TMA7B: variants seen among roughly 807,000 people sequenced by gnomAD.
TMA7B encodes translation machinery-associated protein 7B.
chr22:39,962,526 A>C, the TMA7B span, among the ~76,000 whole-genome samples: 1 of 152,118 alleles, frequency 6.6e-6, no homozygotes, highest in Admixed American at 6.5e-5. Context: ...AGTCAAATCT[A>C]TTTCTTAAGC....
the TMA7B span, among the ~76,000 whole-genome samples, chr22:39,961,560 G>A: frequency 6.6e-6 from 1 of 152,174 alleles, no homozygotes; most frequent in Non-Finnish European, 1.5e-5. Flanking sequence ...TCTCACTAAG[G>A]TGCAGCAACC....
At chr22:39,962,435 A>G in the TMA7B span, among the ~76,000 whole-genome samples, 1 of 152,060 alleles carries the variant, frequency 6.6e-6, no homozygotes, top group African/African-American at 2.4e-5. Context: ...AAGAGAAAAA[A>G]ATTATTTACA....
At chr22:39,962,715 T>C in the TMA7B span, among the ~76,000 whole-genome samples, 5 of 152,026 alleles carry the variant, frequency 3.3e-5, no homozygotes, top group African/African-American at 1.2e-4. Flanking sequence ...TGGAGTGCAG[T>C]GGCGCAATCT....
the TMA7B span, among the ~76,000 whole-genome samples, chr22:39,963,756 G>A: frequency 5.9e-5 from 9 of 152,164 alleles, no homozygotes; most frequent in South Asian, 4.1e-4. Flanking sequence ...AGTGGCTCAC[G>A]CCTGTAATCC....
At chr22:39,964,101 T>C in the TMA7B span, 1 of 359,270 alleles carries the variant, frequency 2.8e-6, no homozygotes, top group Non-Finnish European at 5.0e-6. Flanking sequence ...CATCAGGCAA[T>C]TGGCATCACT....
chr22:39,964,573 G>T, the TMA7B span: 1 of 805,988 alleles, frequency 1.2e-6, no homozygotes, highest in South Asian at 1.4e-5. Flanking sequence ...AAAATAAGCT[G>T]TTCCTTGTGC....
the TMA7B span, chr22:39,964,397 A>G: frequency 1.3e-6 from 1 of 781,836 alleles, no homozygotes; most frequent in South Asian, 1.4e-5. Flanking sequence ...GAAGGTGGCA[A>G]GAAGAAGGCA....
At chr22:39,961,594 C>G in the TMA7B span, among the ~76,000 whole-genome samples, 1 of 152,130 alleles carries the variant, frequency 6.6e-6, no homozygotes. Context: ...TCAGTCCACG[C>G]GTAGACATTA....
At chr22:39,964,399 A>C in the TMA7B span, 6 of 785,030 alleles carry the variant, frequency 7.6e-6, no homozygotes, top group South Asian at 5.8e-5. Context: ...AGGTGGCAAG[A>C]AGAAGGCACT....
chr22:39,962,838 T>C, the TMA7B span, among the ~76,000 whole-genome samples: 31 of 152,136 alleles, frequency 2.0e-4, no homozygotes, highest in Non-Finnish European at 4.1e-4. Context: ...TGTGTGTGTG[T>C]GGTTTTTTTC....
chr22:39,962,152 G>A, the TMA7B span, among the ~76,000 whole-genome samples: 8 of 152,336 alleles, frequency 5.3e-5, no homozygotes, highest in East Asian at 1.9e-4. Flanking sequence ...GTCGGGCGCC[G>A]TGGCTCATGC....
the TMA7B span, among the ~76,000 whole-genome samples, chr22:39,963,645 C>T: frequency 1.6e-3 from 240 of 152,278 alleles, 2 homozygotes; most frequent in Middle Eastern, 0.01. Context: ...CAGCTATGAG[C>T]AAATCCCAGC....
At chr22:39,962,621 T>G in the TMA7B span, among the ~76,000 whole-genome samples, 2 of 152,106 alleles carry the variant, frequency 1.3e-5, no homozygotes, top group Non-Finnish European at 2.9e-5. Context: ...TGCATGAAGA[T>G]GACTCTGGCT....
the TMA7B span, chr22:39,964,569 A>C: frequency 2.5e-6 from 2 of 813,946 alleles, no homozygotes; most frequent in South Asian, 2.7e-5. Context: ...GCAAAAAATA[A>C]GCTGTTCCTT....
the TMA7B span, chr22:39,960,451 T>C: frequency 2.5e-6 from 1 of 404,174 alleles, no homozygotes; most frequent in Non-Finnish European, 4.6e-6. Flanking sequence ...AGGATTTTCC[T>C]CTACTTCATC....
At chr22:39,964,577 C>G in the TMA7B span, 1 of 801,300 alleles carries the variant, frequency 1.2e-6, no homozygotes, top group Non-Finnish European at 2.2e-6. Context: ...TAAGCTGTTC[C>G]TTGTGCCTAA....
At chr22:39,962,010 TA>T in the TMA7B span, among the ~76,000 whole-genome samples, 2 of 152,258 alleles carry the variant, frequency 1.3e-5, no homozygotes, top group Non-Finnish European at 2.9e-5. Context: ...TTTTCTTCAG[TA>T]AAAACTTTAT....
the TMA7B span, chr22:39,964,566 A>T: frequency 1.2e-6 from 1 of 817,626 alleles, no homozygotes; most frequent in Non-Finnish European, 2.2e-6. Flanking sequence ...CTGGCAAAAA[A>T]TAAGCTGTTC....
chr22:39,964,535 C>A, the TMA7B span: 1 of 862,542 alleles, frequency 1.2e-6, no homozygotes, highest in Non-Finnish European at 2.0e-6. Context: ...GGGCCTCTGG[C>A]CACAGGTGGA....
Sources: gnomAD v4.1 joint callset for allele counts (sites outside exome capture counted in the v4.1 genomes callset) on GRCh38, gnomAD v4.1.1 for gene constraint, MANE v1.5 for transcripts, NCBI Gene and HGNC (gene_info 2026-07-23, HGNC 2026-07-21) for gene names.